The following THOC2 variants were observed in gnomAD, a reference collection of about 807,000 sequenced individuals.
The protein encoded by THOC2 is THO complex subunit 2.
A neutral mutation model predicts 128.4 loss-of-function variants in THOC2; 10 were observed. The observed-to-expected ratio is 0.08, with a 90% CI of 0.05 to 0.13. The LOEUF is 0.13. Ranked by LOEUF, THOC2 falls within the 10% of genes least tolerant of loss-of-function variation. The pLI, the probability that THOC2 is intolerant of heterozygous loss-of-function variation, is 1.00. For synonymous variants in THOC2, 393 were observed against 396.9 expected (o/e 0.99, Z 0.12); for missense variants, 535 against 1,155.7 (o/e 0.46, Z 7.79).
chrX:123,604,449 C>T (rs765392674), intron 38 of THOC2, among the ~76,000 whole-genome samples: 12 of 110,131 alleles, frequency 1.1e-4, no homozygotes, highest in East Asian at 5.7e-4. Flanking sequence ...TTCACAATGC[C>T]GTCCTATGCA....
intron 17 of THOC2, among the ~76,000 whole-genome samples, chrX:123,638,694 T>C (rs1400367201): frequency 1.9e-5 from 2 of 105,172 alleles, no homozygotes; most frequent in Non-Finnish European, 3.9e-5. Flanking sequence ...AAGCCTAACA[T>C]GTCTCCCTTT....
chrX:123,731,695 T>C (rs1018093261), intron 1 of THOC2, among the ~76,000 whole-genome samples: 2 of 110,947 alleles, frequency 1.8e-5, no homozygotes, highest in African/African-American at 6.6e-5. Flanking sequence ...AGACAGCCGC[T>C]TATTTAGGGA....
At chrX:123,706,344 A>AT (rs2050924535) in intron 3 of THOC2, among the ~76,000 whole-genome samples, 4 of 111,022 alleles carry the variant, frequency 3.6e-5, no homozygotes, top group Admixed American at 9.6e-5. Context: ...TTAGAGTGGC[A>AT]TTTTTTATTA....
At chrX:123,647,807 C>T (rs775565338) in intron 12 of THOC2, among the ~76,000 whole-genome samples, 5 of 88,879 alleles carry the variant, frequency 5.6e-5, no homozygotes, top group Non-Finnish European at 1.1e-4. Context: ...CGCCACTGCA[C>T]TCCAGCCTAA....
At chrX:123,626,235 T>C (rs932610068) in intron 24 of THOC2, among the ~76,000 whole-genome samples, 166 bp from the exon 25 acceptor site, 1 of 111,982 alleles carries the variant, frequency 8.9e-6, no homozygotes, top group Non-Finnish European at 1.9e-5. Flanking sequence ...TCATTTTTAC[T>C]ATGTGGACCT....
chrX:123,625,520 CT>C (rs754470330), intron 25 of THOC2, among the ~76,000 whole-genome samples: 1,170 of 96,756 alleles, frequency 0.012, 22 homozygotes, highest in African/African-American at 0.036. Context: ...ACTTTTTTGT[CT>C]TTTTTTTTTT....
intron 12 of THOC2, among the ~76,000 whole-genome samples, chrX:123,660,884 C>T (rs1445754473): frequency 3.6e-5 from 4 of 111,880 alleles, no homozygotes; most frequent in African/African-American, 1.3e-4. Flanking sequence ...CTACTCACAA[C>T]AGCAAAGCTA....
intron 8 of THOC2, among the ~76,000 whole-genome samples, chrX:123,674,345 T>A (rs12842986): frequency 8.9e-6 from 1 of 112,046 alleles, no homozygotes; most frequent in African/African-American, 3.2e-5. Flanking sequence ...TAACAACTTA[T>A]TGTCTTAAAG....
chrX:123,707,325 A>C (rs1202616593), intron 2 of THOC2, among the ~76,000 whole-genome samples: 1 of 111,715 alleles, frequency 9.0e-6, no homozygotes, highest in African/African-American at 3.3e-5. Flanking sequence ...AACTCTAGCA[A>C]GTGGATTCAA....
Position 123,676,431 on chromosome X carries a change from G to A in THOC2, c.769-4670C>T, listed in dbSNP as rs1319252639. Among the ~76,000 whole-genome samples the A allele has an allele frequency of 4.5e-5, 5 of 111,968 alleles. No homozygotes were observed. The Admixed American group carries it at 4.8e-4, about 11-fold the overall frequency. Reference sequence around the variant, plus strand: ...ACTGATCTGGGTGTGGGGGCTAGTAGACAGGCAATTTAAAATGCCACAGCA... The same window carrying A: ...ACTGATCTGGGTGTGGGGGCTAGTAAACAGGCAATTTAAAATGCCACAGCA... On this transcript the variant is annotated intron_variant, in intron 8 of 38. Coordinates refer to ENST00000245838, the MANE Select transcript of THOC2 (RefSeq NM_001081550.2).
At chrX:123,643,678 G>A (rs918186640) in intron 15 of THOC2, among the ~76,000 whole-genome samples, 2 of 106,240 alleles carry the variant, frequency 1.9e-5, no homozygotes, top group African/African-American at 6.9e-5. Flanking sequence ...TATTCATACT[G>A]TATAACAGCA....
In THOC2 at chrX:123,665,707, G is replaced by A. The variant is rs1223466145; in HGVS notation, c.1321C>T (p.His441Tyr). ...VFNMFCYLGP[H>Y]LSHDPILFAK... Reference sequence around the variant, plus strand: ...AATAAAATGGGATCGTGAGAAAGGTGAGGACCAAGGTAACAGAACATATTG... The same window carrying A: ...AATAAAATGGGATCGTGAGAAAGGTAAGGACCAAGGTAACAGAACATATTG... Residue 441 changes from histidine to tyrosine, a missense_variant, in exon 12 of 39, where the codon CAC becomes TAC. By Grantham distance (83) the His-to-Tyr change is moderately conservative. This residue lies in a region of THOC2 where 197 missense variants were observed against 313.4 expected (regional missense o/e 0.63). Coordinates refer to ENST00000245838, the MANE Select transcript of THOC2 (RefSeq NM_001081550.2). The A allele has an allele frequency of 8.3e-7, 1 of 1,201,835 alleles. No individual in the cohort carries two copies. The highest frequency in any genetic ancestry group is 1.1e-6 in the Non-Finnish European group (1 of 890,996).
At chrX:123,711,958 T>TAAAA (rs55916247) in intron 2 of THOC2, among the ~76,000 whole-genome samples, 27 of 46,830 alleles carry the variant, frequency 5.8e-4, no homozygotes, top group Non-Finnish European at 8.4e-4. Flanking sequence ...CTGTCTACTT[T>TAAAA]AAAAAAAAAA....
chrX:123,716,045 T>A (rs900313356), intron 1 of THOC2, among the ~76,000 whole-genome samples: 4 of 111,116 alleles, frequency 3.6e-5, no homozygotes, highest in Non-Finnish European at 7.5e-5. Flanking sequence ...TCAATGCCTC[T>A]TATAAACACA....
chrX:123,658,896 G>A (rs6608112), intron 12 of THOC2, among the ~76,000 whole-genome samples: 47,039 of 110,590 alleles, frequency 0.43, 8,308 homozygotes, highest in East Asian at 0.68. Context: ...AAGGGAGGCT[G>A]TGCACATATG....
At chrX:123,672,624 T>C (rs765943743) in intron 8 of THOC2, among the ~76,000 whole-genome samples, 16 of 112,191 alleles carry the variant, frequency 1.4e-4, no homozygotes, top group Non-Finnish European at 2.8e-4. Context: ...AAAACAGGTG[T>C]ACATAAATAT....
intron 1 of THOC2, among the ~76,000 whole-genome samples, chrX:123,718,262 C>G (rs779800932): frequency 9.8e-5 from 11 of 112,049 alleles, no homozygotes; most frequent in African/African-American, 3.6e-4. Flanking sequence ...AAACTGGACA[C>G]TTACTTCACA....
rs1192186030 is a variant in THOC2, at chrX:123,710,736, T to A, written c.130+2114A>T. Among the ~76,000 whole-genome samples the A allele has an allele frequency of 7.3e-5, 8 of 109,832 alleles. No homozygotes were observed. The Admixed American group carries it at 7.8e-4, about 11-fold the overall frequency. On this transcript the variant is annotated intron_variant, in intron 2 of 38. Coordinates refer to ENST00000245838, the MANE Select transcript of THOC2 (RefSeq NM_001081550.2). ...CGGGCACGGTGGCTCACGCCTGTAA[T>A]CCCAGCTCTTTGGGAGGCTAAGGTG...
intron 4 of THOC2, among the ~76,000 whole-genome samples, chrX:123,699,005 G>T (rs1470451065): frequency 9.0e-6 from 1 of 110,925 alleles, no homozygotes; most frequent in Non-Finnish European, 1.9e-5. Flanking sequence ...CAGAAAATTT[G>T]TCAAAAAATT....
Sources: gnomAD v4.1 joint callset for allele counts (sites outside exome capture counted in the v4.1 genomes callset) on GRCh38, gnomAD v4.1.1 for gene constraint, gnomAD v4.1.1 regional missense constraint, MANE v1.5 for transcripts, NCBI Gene and HGNC (gene_info 2026-07-23, HGNC 2026-07-21) for gene names.